The following PTPRT variants were observed in gnomAD, a reference collection of about 807,000 sequenced individuals.
PTPRT encodes the protein receptor-type tyrosine-protein phosphatase T.
A neutral mutation model predicts 176.8 loss-of-function variants in PTPRT; 56 were observed. The ratio of observed to expected loss-of-function variants is 0.32; its 90% CI spans 0.26 to 0.40. PTPRT has a LOEUF of 0.40. Ranked by LOEUF, PTPRT falls within the 10% of genes least tolerant of loss-of-function variation. The pLI is 1.00. For missense variants in PTPRT, 1,540 were observed against 1,908.2 expected, an observed-to-expected ratio of 0.81 and a Z score of 3.60; for synonymous variants, 783 against 739.0, an observed-to-expected ratio of 1.06 and a Z score of -0.96.
the PTPRT span, among the ~76,000 whole-genome samples, chr20:42,049,685 C>A: frequency 6.6e-6 from 1 of 152,172 alleles, no homozygotes; most frequent in Non-Finnish European, 1.5e-5. Context: ...ATGCAGTGAG[C>A]TTGTTGTGGG....
intron 3 of PTPRT, among the ~76,000 whole-genome samples, chr20:42,789,062 A>G (rs1445982116): frequency 6.6e-6 from 1 of 152,242 alleles, no homozygotes; most frequent in African/African-American, 2.4e-5. Context: ...CAACTTGTGT[A>G]TATGTATCCA....
At chr20:42,734,307 G>C (rs1186320400) in intron 6 of PTPRT, among the ~76,000 whole-genome samples, 2 of 152,130 alleles carry the variant, frequency 1.3e-5, no homozygotes, top group South Asian at 4.2e-4. Flanking sequence ...GTTCCTCTCT[G>C]TAAAATAAAG....
intron 9 of PTPRT, among the ~76,000 whole-genome samples, chr20:42,356,482 G>T (rs924000299): frequency 6.6e-6 from 1 of 151,902 alleles, no homozygotes; most frequent in Non-Finnish European, 1.5e-5. Context: ...ATCACCTGAG[G>T]TCGGGAGTTC....
At chr20:42,040,853 C>G in the PTPRT span, among the ~76,000 whole-genome samples, 1 of 152,194 alleles carries the variant, frequency 6.6e-6, no homozygotes, top group Non-Finnish European at 1.5e-5. Flanking sequence ...GGGGTGTTAT[C>G]TTGGCTGTGG....
intron 15 of PTPRT, among the ~76,000 whole-genome samples, chr20:42,213,724 A>G (rs903865369): frequency 1.3e-5 from 2 of 152,152 alleles, no homozygotes; most frequent in Non-Finnish European, 2.9e-5. Context: ...GCCATAAGCC[A>G]AGGAGCACGG....
chr20:42,341,000 T>C (rs2058103485), intron 11 of PTPRT, among the ~76,000 whole-genome samples: 1 of 152,070 alleles, frequency 6.6e-6, no homozygotes. Flanking sequence ...GGCCTCGTGT[T>C]CCTTGCAACA....
chr20:42,718,332 T>A (rs2146221762), intron 6 of PTPRT, among the ~76,000 whole-genome samples: 1 of 152,218 alleles, frequency 6.6e-6, no homozygotes, highest in Middle Eastern at 3.4e-3. Flanking sequence ...GGTCAGGGGA[T>A]CAAGACCATA....
chr20:43,139,120 G>T (rs141875084), intron 1 of PTPRT, among the ~76,000 whole-genome samples: 1 of 152,156 alleles, frequency 6.6e-6, no homozygotes, highest in Non-Finnish European at 1.5e-5. Flanking sequence ...AATAGAGACC[G>T]CATGGTACAG....
At chr20:42,876,735 T>C (rs1326954881) in intron 2 of PTPRT, among the ~76,000 whole-genome samples, 1 of 152,178 alleles carries the variant, frequency 6.6e-6, no homozygotes, top group African/African-American at 2.4e-5. Flanking sequence ...AATTCAGTTA[T>C]TTTTAAATAA....
At chr20:42,195,498 T>C (rs183508495) in intron 16 of PTPRT, among the ~76,000 whole-genome samples, 1 of 125,222 alleles carries the variant, frequency 8.0e-6, no homozygotes, top group Non-Finnish European at 1.7e-5. Flanking sequence ...TCAAATCTCA[T>C]CCCAGTGGTT....
At chr20:42,544,736 G>A (rs1375981304) in intron 7 of PTPRT, among the ~76,000 whole-genome samples, 5 of 152,172 alleles carry the variant, frequency 3.3e-5, no homozygotes, top group South Asian at 2.1e-4. Flanking sequence ...AAGATCACAT[G>A]GTCTTGCATT....
chr20:42,513,807 A>G (rs1247259690), intron 7 of PTPRT, among the ~76,000 whole-genome samples: 1 of 152,094 alleles, frequency 6.6e-6, no homozygotes, highest in Non-Finnish European at 1.5e-5. Flanking sequence ...TAGTCATTCA[A>G]CTGCTTATAT....
intron 12 of PTPRT, among the ~76,000 whole-genome samples, chr20:42,299,804 C>T (rs1460596948): frequency 2.6e-5 from 4 of 151,634 alleles, no homozygotes; most frequent in Non-Finnish European, 4.4e-5. Flanking sequence ...TGCACCACCA[C>T]GCCCAGCTAA....
intron 7 of PTPRT, among the ~76,000 whole-genome samples, chr20:42,515,549 T>C (rs1203166433): frequency 6.6e-6 from 1 of 152,202 alleles, no homozygotes; most frequent in Non-Finnish European, 1.5e-5. Context: ...GCTATTATAC[T>C]TATTATCATT....
intron 1 of PTPRT, among the ~76,000 whole-genome samples, chr20:43,043,468 G>A (rs1333693816): frequency 6.6e-6 from 1 of 152,164 alleles, no homozygotes; most frequent in Non-Finnish European, 1.5e-5. Context: ...TAATTTGTCT[G>A]AATTATCCTG....
At chr20:42,304,921 C>T (rs1354401463) in intron 12 of PTPRT, among the ~76,000 whole-genome samples, 1 of 152,164 alleles carries the variant, frequency 6.6e-6, no homozygotes, top group Non-Finnish European at 1.5e-5. Flanking sequence ...TGCAAACCTG[C>T]CACCTGCTCT....
At chr20:42,608,278 A>G (rs2073916830) in intron 7 of PTPRT, among the ~76,000 whole-genome samples, 1 of 152,284 alleles carries the variant, frequency 6.6e-6, no homozygotes, top group African/African-American at 2.4e-5. Context: ...ACACATCATG[A>G]TGCCACTCTA....
At chr20:43,036,584 A>G (rs968703785) in intron 1 of PTPRT, among the ~76,000 whole-genome samples, 4 of 152,138 alleles carry the variant, frequency 2.6e-5, no homozygotes, top group African/African-American at 9.7e-5. Context: ...AAAAAACCCC[A>G]TGAATTCCAA....
chr20:42,116,171 GA>G (rs1178171662), intron 21 of PTPRT: 1 of 710,160 alleles, frequency 1.4e-6, no homozygotes, highest in Non-Finnish European at 2.6e-6. Flanking sequence ...ATGAGTTTGG[GA>G]AATGCTGTAT....
Sources: gnomAD v4.1 joint callset for allele counts (sites outside exome capture counted in the v4.1 genomes callset) on GRCh38, gnomAD v4.1.1 for gene constraint, MANE v1.5 for transcripts, NCBI Gene and HGNC (gene_info 2026-07-23, HGNC 2026-07-21) for gene names.